The following ARSB variants were observed in gnomAD, a reference collection of about 807,000 sequenced individuals.
ARSB encodes arylsulfatase B, also known as N-acetylgalactosamine-4-sulfatase.
In ARSB, 41 loss-of-function variants were observed where a neutral mutation model predicts 50.9. That is an observed-to-expected ratio of 0.81 (90% CI 0.63 to 1.04). ARSB has a LOEUF of 1.04. Among genes scored for constraint, ARSB ranks in the 50% least tolerant of loss-of-function variants. The pLI is 0.00. For missense variants in ARSB, 672 were observed against 693.3 expected, an observed-to-expected ratio of 0.97 and a Z score of 0.35; for synonymous variants, 269 against 284.8, an observed-to-expected ratio of 0.94 and a Z score of 0.56.
chr5:78,808,611 T>C (rs1226917288), intron 6 of ARSB, among the ~76,000 whole-genome samples: 2 of 152,092 alleles, frequency 1.3e-5, no homozygotes, highest in African/African-American at 4.8e-5. Flanking sequence ...TGGAGTGAGA[T>C]TCAGTTCATG....
chr5:78,970,291 C>A (rs564559706), intron 1 of ARSB, among the ~76,000 whole-genome samples: 192 of 152,246 alleles, frequency 1.3e-3, no homozygotes, highest in Non-Finnish European at 2.0e-3. Context: ...TAGCAAACTT[C>A]TATTAGTAGA....
At chr5:78,815,963 T>C (rs1580996417) in intron 6 of ARSB, 1 of 1,549,466 alleles carries the variant, frequency 6.5e-7, no homozygotes. Context: ...GGTTCCTAGT[T>C]CCCGCCTCTT....
chr5:78,864,476 G>A (rs932006447), intron 5 of ARSB, among the ~76,000 whole-genome samples: 1 of 152,106 alleles, frequency 6.6e-6, no homozygotes, highest in Non-Finnish European at 1.5e-5. Context: ...CTGCCACCGG[G>A]TCCCTCCCAT....
At position 78,975,088 on chromosome 5, in the gene ARSB, C is replaced by T. The variant is rs568830745; in HGVS notation, c.313-5896G>A. 2.0e-4 allele frequency among the ~76,000 whole-genome samples: 30 copies of T among 152,368 alleles called. No homozygotes were observed. In the South Asian group the frequency reaches 4.6e-3, roughly 23 times the overall value. ...AGACATGCACTTTCCCCAATCCCTG[C>T]ACCCTGTAAACATTTCTTCCAGCTC... is the stretch of plus-strand genomic sequence containing the variant. On this transcript the variant is annotated intron_variant, in intron 1 of 7. Transcript: ENST00000264914.
intron 6 of ARSB, among the ~76,000 whole-genome samples, chr5:78,807,456 C>T (rs1743607051): frequency 1.3e-5 from 2 of 152,208 alleles, no homozygotes; most frequent in African/African-American, 2.4e-5. Flanking sequence ...GCATACTCCT[C>T]ATTGGAGGGA....
At chr5:78,888,627 A>C (rs1748145843) in intron 4 of ARSB, among the ~76,000 whole-genome samples, 1 of 152,188 alleles carries the variant, frequency 6.6e-6, no homozygotes, top group Non-Finnish European at 1.5e-5. Flanking sequence ...AAAGTATTGG[A>C]TGAAGATGGT....
intron 2 of ARSB, among the ~76,000 whole-genome samples, chr5:78,966,927 A>T (rs12109560): frequency 0.018 from 110 of 6,074 alleles, no homozygotes; most frequent in Middle Eastern, 0.12. Context: ...GGGTCCATTT[A>T]AAAAAAAAAA....
intron 4 of ARSB, among the ~76,000 whole-genome samples, chr5:78,947,367 T>G (rs1167068993): frequency 3.3e-5 from 5 of 152,122 alleles, no homozygotes; most frequent in African/African-American, 1.2e-4. Flanking sequence ...AGAAAATATC[T>G]GCAAACTATC....
At chr5:78,928,750 T>C (rs538753427) in intron 4 of ARSB, among the ~76,000 whole-genome samples, 1 of 152,346 alleles carries the variant, frequency 6.6e-6, no homozygotes, top group East Asian at 1.9e-4. Flanking sequence ...TGAAATTAAT[T>C]GTATTCTCTT....
At chr5:78,877,845 T>C (rs1747559686) in intron 5 of ARSB, among the ~76,000 whole-genome samples, 2 of 152,172 alleles carry the variant, frequency 1.3e-5, no homozygotes, top group Admixed American at 6.5e-5. Flanking sequence ...GATATAGATG[T>C]TGGAATTAGC....
At chr5:78,824,748 A>G (rs1453750358) in intron 6 of ARSB, among the ~76,000 whole-genome samples, 2 of 152,156 alleles carry the variant, frequency 1.3e-5, no homozygotes, top group South Asian at 2.1e-4. Context: ...TCTGCCCCCA[A>G]CTGCTGAGAG....
chr5:78,967,419 A>C (rs1234669071), intron 2 of ARSB, among the ~76,000 whole-genome samples: 2 of 152,200 alleles, frequency 1.3e-5, no homozygotes, highest in Non-Finnish European at 2.9e-5. Flanking sequence ...TCACACCTGT[A>C]ATCCCAGCAC....
At chr5:78,942,152 A>C (rs906014446) in intron 4 of ARSB, among the ~76,000 whole-genome samples, 3 of 150,698 alleles carry the variant, frequency 2.0e-5, no homozygotes, top group Non-Finnish European at 3.0e-5. Flanking sequence ...TTTTTATTGC[A>C]TCTATTTGAT....
chr5:78,865,230 A>G (rs1197158524), intron 5 of ARSB, among the ~76,000 whole-genome samples: 3 of 152,084 alleles, frequency 2.0e-5, no homozygotes, highest in Non-Finnish European at 4.4e-5. Flanking sequence ...ATTTCCACAC[A>G]TCTTCTGAAA....
chr5:78,980,274 A>G (rs545622401), intron 1 of ARSB, among the ~76,000 whole-genome samples: 2 of 152,210 alleles, frequency 1.3e-5, no homozygotes, highest in Non-Finnish European at 2.9e-5. Flanking sequence ...AATTGGTACA[A>G]TCCCTTAAGA....
At position 78,938,761 on chromosome 5, in the gene ARSB, A is replaced by C. The variant is rs368533565; in HGVS notation, c.898+16534T>G. 1.1e-3 allele frequency among the ~76,000 whole-genome samples: 175 copies of C among 152,364 alleles called. 2 individuals carry two copies. The highest frequency in any genetic ancestry group is 4.1e-3 in the African/African-American group (170 of 41,582). Reference sequence around the variant, plus strand: ...ACGTAAGATTTAGAGGAATTAGTTAAGATTATTAACTCCATTTGAGTATTA... The same window carrying C: ...ACGTAAGATTTAGAGGAATTAGTTACGATTATTAACTCCATTTGAGTATTA... On this transcript the variant is annotated intron_variant, in intron 4 of 7. Transcript: ENST00000264914.
At chr5:78,841,792 T>A (rs1253522925) in intron 5 of ARSB, among the ~76,000 whole-genome samples, 1 of 152,192 alleles carries the variant, frequency 6.6e-6, no homozygotes, top group Non-Finnish European at 1.5e-5. Context: ...CCAAGCGTTG[T>A]GTATAATCCT....
chr5:78,798,684 T>C (rs1383997217), intron 6 of ARSB, among the ~76,000 whole-genome samples: 1 of 152,226 alleles, frequency 6.6e-6, no homozygotes, highest in Non-Finnish European at 1.5e-5. Context: ...TAATACTTAA[T>C]TTGGAAAAAG....
intron 3 of ARSB, among the ~76,000 whole-genome samples, chr5:78,955,854 G>C (rs1751699672): frequency 1.3e-5 from 2 of 152,220 alleles, no homozygotes; most frequent in Admixed American, 1.3e-4. Flanking sequence ...CATCTGTTAG[G>C]ATGGTGATAA....
Sources: gnomAD v4.1 joint callset for allele counts (sites outside exome capture counted in the v4.1 genomes callset) on GRCh38, gnomAD v4.1.1 for gene constraint, MANE v1.5 for transcripts, NCBI Gene and HGNC (gene_info 2026-07-23, HGNC 2026-07-21) for gene names.